The following CTIF variants were observed in gnomAD, a reference collection of about 807,000 sequenced individuals.
The protein encoded by CTIF is CBP80/20-dependent translation initiation factor.
In CTIF, 21 loss-of-function variants were observed where a neutral mutation model predicts 66.0. The observed-to-expected ratio is 0.32, with a 90% CI of 0.23 to 0.46. CTIF has a LOEUF of 0.46. Ranked by LOEUF, CTIF falls within the 20% of genes least tolerant of loss-of-function variation. The pLI is 1.00. For missense variants in CTIF, 739 were observed against 812.7 expected (o/e 0.91, Z 1.10); for synonymous variants, 345 against 326.4 (o/e 1.06, Z -0.62).
At chr18:48,645,245 T>C (rs2091005439) in intron 3 of CTIF, among the ~76,000 whole-genome samples, 1 of 101,558 alleles carries the variant, frequency 9.8e-6, no homozygotes. Flanking sequence ...ATGTGTCCCA[T>C]ACTTGGCACT....
chr18:48,719,814 C>T (rs1441828238), intron 7 of CTIF, among the ~76,000 whole-genome samples: 1 of 152,090 alleles, frequency 6.6e-6, no homozygotes. Flanking sequence ...ACTGAAGTGC[C>T]GTCTACTGTT....
intron 6 of CTIF, among the ~76,000 whole-genome samples, chr18:48,695,050 A>G (rs751472474): frequency 6.6e-5 from 10 of 152,176 alleles, no homozygotes; most frequent in Non-Finnish European, 1.2e-4. Flanking sequence ...AGGGAGATCT[A>G]TTATCTTCTT....
At chr18:48,803,775 G>T (rs981360051) in intron 9 of CTIF, among the ~76,000 whole-genome samples, 1 of 152,182 alleles carries the variant, frequency 6.6e-6, no homozygotes, top group African/African-American at 2.4e-5. Context: ...CATTTGGGGA[G>T]GGGGGGCTCT....
intron 1 of CTIF, among the ~76,000 whole-genome samples, chr18:48,612,550 G>A (rs901594473): frequency 3.3e-5 from 5 of 152,232 alleles, no homozygotes; most frequent in African/African-American, 1.2e-4. Context: ...CAACCTGGGA[G>A]CACAGTGCTT....
chr18:48,796,975 G>A lies in CTIF; in HGVS notation c.1372-20246G>A, dbSNP rs541512555. Among the ~76,000 whole-genome samples, 3 of 152,220 alleles carry A rather than the reference G, an allele frequency of 2.0e-5. No individual in the cohort carries two copies. The East Asian group carries it at 5.8e-4, about 29-fold the overall frequency. ...TGGAATCACAGGTGCCCACCCCAGAGCAAAAAGGCCATGTCAGCCATCTGC... is the reference window on the plus strand; with the variant it reads ...TGGAATCACAGGTGCCCACCCCAGAACAAAAAGGCCATGTCAGCCATCTGC... On this transcript the variant is annotated intron_variant, in intron 9 of 11. Transcript: ENST00000256413.
At chr18:48,589,176 G>C (rs2143939597) in intron 1 of CTIF, among the ~76,000 whole-genome samples, 1 of 152,318 alleles carries the variant, frequency 6.6e-6, no homozygotes, top group Middle Eastern at 3.4e-3. Context: ...AACCTGGGGG[G>C]CTTAAGACAG....
At chr18:48,632,800 C>G (rs537822854) in intron 2 of CTIF, among the ~76,000 whole-genome samples, 2 of 152,268 alleles carry the variant, frequency 1.3e-5, no homozygotes, top group Admixed American at 1.3e-4. Flanking sequence ...TCCCCACCCC[C>G]CTCTCATTGC....
At chr18:48,591,703 T>A (rs2089890395) in intron 1 of CTIF, among the ~76,000 whole-genome samples, 1 of 152,242 alleles carries the variant, frequency 6.6e-6, no homozygotes. Context: ...GAGTAAGTAA[T>A]GGACCTACCC....
intron 8 of CTIF, among the ~76,000 whole-genome samples, chr18:48,759,514 G>A (rs1908747331): frequency 6.6e-6 from 1 of 152,116 alleles, no homozygotes; most frequent in Admixed American, 6.5e-5. Context: ...AAATGTAACT[G>A]CAGGGCAGCA....
chr18:48,785,972 C>T (rs1050385682), intron 9 of CTIF, among the ~76,000 whole-genome samples: 1 of 152,120 alleles, frequency 6.6e-6, no homozygotes, highest in African/African-American at 2.4e-5. Context: ...ACAGCAACCC[C>T]GCCAGGGTTT....
rs1475570464 is a variant in CTIF at position 48,761,628 on chromosome 18, A to G, written c.1310A>G (p.Lys437Arg). Residue 437 changes from lysine (K) to arginine (R), a missense_variant, in exon 9 of 12, where the codon AAG becomes AGG. This residue lies in a region of CTIF where 210 missense variants were observed against 292.3 expected (regional missense o/e 0.72). Coordinates refer to ENST00000256413, the MANE Select transcript of CTIF (RefSeq NM_014772.3). The surrounding 1 kb of genome is among the most constrained non-coding windows in gnomAD (Gnocchi z 4.2). Reference sequence around the variant, plus strand: ...TTCACCGCTGCCAAGCTCTGCGACAAGATGGCGCTCTTTATGGTGGAGGGG... The same window carrying G: ...TTCACCGCTGCCAAGCTCTGCGACAGGATGGCGCTCTTTATGGTGGAGGGG... ...FAFTAAKLCD[K>R]MALFMVEGTK... 6.2e-7 allele frequency: 1 copy of G among 1,614,054 alleles called. No homozygotes were observed. The highest frequency in any genetic ancestry group is 1.3e-5 in the African/African-American group (1 of 74,946).
At chr18:48,741,613 T>A (rs775818624) in intron 7 of CTIF, among the ~76,000 whole-genome samples, 6 of 151,820 alleles carry the variant, frequency 4.0e-5, no homozygotes, top group Non-Finnish European at 8.8e-5. Flanking sequence ...TTAGTAGGGA[T>A]GAGATTTTGC....
At chr18:48,816,874 G>A (rs1235071151) in intron 9 of CTIF, among the ~76,000 whole-genome samples, 1 of 152,198 alleles carries the variant, frequency 6.6e-6, no homozygotes, top group East Asian at 1.9e-4. Context: ...GGAGTTAAGT[G>A]GAAAAGTGCT....
intron 10 of CTIF, among the ~76,000 whole-genome samples, chr18:48,819,074 C>T (rs1020790731): frequency 6.6e-6 from 1 of 152,184 alleles, no homozygotes; most frequent in East Asian, 1.9e-4. Flanking sequence ...CAGACAAGCA[C>T]AGAGCACACA....
chr18:48,621,537 C>A, intron 2 of CTIF: 1 of 385,540 alleles, frequency 2.6e-6, no homozygotes, highest in Non-Finnish European at 5.1e-6. Context: ...AGAAGTGAGC[C>A]TAGAGACCAG....
At chr18:48,589,554 C>T (rs1205232788) in intron 1 of CTIF, among the ~76,000 whole-genome samples, 1 of 152,156 alleles carries the variant, frequency 6.6e-6, no homozygotes, top group Non-Finnish European at 1.5e-5. Context: ...TCCAACATGC[C>T]TTTTAGGAGG....
In CTIF at chr18:48,768,868, C is replaced by T. The variant is rs117773259; in HGVS notation, c.1371+7179C>T. Reference sequence around the variant, plus strand: ...GCAGAGAGCTAGGTCCCTGCTGTTGCGCTCCAGTGTGAGCGACAGAGTGAG... The same window carrying T: ...GCAGAGAGCTAGGTCCCTGCTGTTGTGCTCCAGTGTGAGCGACAGAGTGAG... On this transcript the variant is annotated intron_variant, in intron 9 of 11. Coordinates refer to ENST00000256413, the MANE Select transcript of CTIF (RefSeq NM_014772.3). Among the ~76,000 whole-genome samples the T allele has an allele frequency of 9.7e-4, 147 of 152,268 alleles. 4 individuals carry two copies. The East Asian group carries it at 0.025, about 26-fold the overall frequency.
chr18:48,695,580 A>G (rs1472845723), intron 6 of CTIF, among the ~76,000 whole-genome samples: 1 of 152,222 alleles, frequency 6.6e-6, no homozygotes, highest in Non-Finnish European at 1.5e-5. Context: ...CATGCTGTTT[A>G]GTCTATCCAG....
intron 6 of CTIF, among the ~76,000 whole-genome samples, chr18:48,697,730 T>C (rs1291684885): frequency 6.6e-6 from 1 of 152,062 alleles, no homozygotes; most frequent in African/African-American, 2.4e-5. Flanking sequence ...CCAGAGGGGA[T>C]TGGGGAGCAA....
Sources: allele counts gnomAD v4.1 joint callset (sites outside exome capture counted in the v4.1 genomes callset), GRCh38; gene constraint gnomAD v4.1.1; regional missense constraint gnomAD v4.1.1; non-coding constraint Gnocchi (gnomAD v3.1); transcripts MANE v1.5; gene names NCBI Gene and HGNC (gene_info 2026-07-23, HGNC 2026-07-21).